The following LIN28B variants were observed in gnomAD, a reference collection of about 807,000 sequenced individuals.
LIN28B encodes the protein lin-28 RNA binding posttranscriptional regulator B.
LIN28B carries 5 observed loss-of-function variants against 21.9 expected under a neutral mutation model. The observed-to-expected ratio is 0.23, with a 90% CI of 0.12 to 0.48. The LOEUF is 0.48. Among genes scored for constraint, LIN28B ranks in the 20% least tolerant of loss-of-function variants. The pLI is 0.98. For missense variants in LIN28B, 245 were observed against 310.5 expected, an observed-to-expected ratio of 0.79 and a Z score of 1.58; for synonymous variants, 109 against 111.3, an observed-to-expected ratio of 0.98 and a Z score of 0.13.
At chr6:105,053,273 G>A (rs945297642) in intron 3 of LIN28B, among the ~76,000 whole-genome samples, 1 of 151,956 alleles carries the variant, frequency 6.6e-6, no homozygotes, top group African/African-American at 2.4e-5. Context: ...CTAGACAGTG[G>A]CTCATGTGCA....
chr6:104,980,163 C>T (rs1562079925), intron 2 of LIN28B, among the ~76,000 whole-genome samples: 2 of 152,016 alleles, frequency 1.3e-5, no homozygotes, highest in Non-Finnish European at 2.9e-5. Flanking sequence ...ATTTAAAATT[C>T]CGTAATGTAG....
chr6:105,082,480 TTTCTC>T lies in LIN28B; in HGVS notation c.*3699_*3703del, dbSNP rs1263853762. ...AGTTAATTTAAATTAATTTATCTGT[TTTCTC>T]TAAGAAATGTTTATCATAAAATATA... On this transcript the variant is annotated 3_prime_UTR_variant, in exon 4 of 4. Transcript: ENST00000345080. 2 of 152,656 alleles carry T rather than the reference TTTCTC, an allele frequency of 1.3e-5. No homozygotes were observed. The highest frequency in any genetic ancestry group is 1.3e-4 in the Admixed American group (2 of 15,274). The allele number at this position is 152,656 out of a possible 1,614,324, so 9.5% of individuals were successfully genotyped here.
exon 2 of LIN28B, chr6:104,937,040 C>G (rs571025501): frequency 1.3e-5 from 2 of 152,024 alleles, no homozygotes; most frequent in East Asian, 3.9e-4. Context: ...TGGTGTTGAA[C>G]TCCTGGGCTC....
intron 3 of LIN28B, among the ~76,000 whole-genome samples, chr6:105,043,581 G>A (rs899200802): frequency 6.8e-6 from 1 of 148,008 alleles, no homozygotes; most frequent in Non-Finnish European, 1.5e-5. Flanking sequence ...TGATTTTTTT[G>A]TTTATGGTTT....
At chr6:105,051,216 G>A (rs1044276096) in intron 3 of LIN28B, among the ~76,000 whole-genome samples, 3 of 151,554 alleles carry the variant, frequency 2.0e-5, no homozygotes, top group African/African-American at 7.3e-5. Flanking sequence ...CGAGTCGGGT[G>A]GATCATGAGG....
intron 2 of LIN28B, among the ~76,000 whole-genome samples, chr6:105,001,291 C>A (rs1770714962): frequency 1.3e-5 from 2 of 152,200 alleles, no homozygotes; most frequent in Admixed American, 6.5e-5. Context: ...ACATATAAAT[C>A]ATTTGGCCTT....
chr6:104,959,393 C>T (rs1769677359), intron 2 of LIN28B, among the ~76,000 whole-genome samples: 1 of 152,154 alleles, frequency 6.6e-6, no homozygotes, highest in Non-Finnish European at 1.5e-5. Context: ...ATATTTGATA[C>T]TGTGTTGCAT....
chr6:104,956,983 G>T (rs1582862728), upstream of LIN28B: 1 of 898,564 alleles, frequency 1.1e-6, no homozygotes, highest in Non-Finnish European at 1.6e-6. Context: ...AATGGCGATT[G>T]GTTATCTCTT....
At chr6:104,967,592 AAAAAAAAG>A in intron 2 of LIN28B, among the ~76,000 whole-genome samples, 1 of 150,048 alleles carries the variant, frequency 6.7e-6, no homozygotes, top group Admixed American at 6.6e-5. Context: ...AAAAAAAAAA[AAAAAAAAG>A]AAAGAAAGAA....
intron 3 of LIN28B, among the ~76,000 whole-genome samples, chr6:105,047,758 G>A (rs1318321410): frequency 1.3e-5 from 2 of 152,048 alleles, no homozygotes; most frequent in Non-Finnish European, 2.9e-5. Context: ...GGATTCCTAG[G>A]TATTTTATTC....
intron 2 of LIN28B, among the ~76,000 whole-genome samples, chr6:105,009,765 G>T (rs1770885418): frequency 6.6e-6 from 1 of 152,058 alleles, no homozygotes; most frequent in African/African-American, 2.4e-5. Context: ...TATATCAGTT[G>T]TTCCCTTTAG....
chr6:105,008,614 A>C (rs941820468), intron 2 of LIN28B, among the ~76,000 whole-genome samples: 2 of 151,646 alleles, frequency 1.3e-5, no homozygotes, highest in African/African-American at 4.8e-5. Context: ...ACTGCACTCC[A>C]GCCTGGGCGA....
At chr6:104,983,983 C>T (rs1770279328) in intron 2 of LIN28B, among the ~76,000 whole-genome samples, 1 of 152,148 alleles carries the variant, frequency 6.6e-6, no homozygotes. Context: ...AAGTAAGTCA[C>T]GAACAATTTA....
chr6:104,966,726 A>G (rs1221701649), intron 2 of LIN28B, among the ~76,000 whole-genome samples: 2 of 149,486 alleles, frequency 1.3e-5, no homozygotes. Flanking sequence ...GGTTCACGCC[A>G]TTCTCCTGCC....
At chr6:104,952,891 TG>T (rs1778235999), upstream of LIN28B, among the ~76,000 whole-genome samples, 1 of 152,220 alleles carries the variant, frequency 6.6e-6, no homozygotes, top group Admixed American at 6.5e-5. Flanking sequence ...CAGAGCATTT[TG>T]CCTCCAGACA....
intron 2 of LIN28B, among the ~76,000 whole-genome samples, chr6:104,983,536 A>G (rs999977002): frequency 2.6e-5 from 4 of 152,122 alleles, no homozygotes; most frequent in African/African-American, 9.7e-5. Context: ...CAAATCTTGG[A>G]CAAATCTTGG....
chr6:105,001,402 T>C (rs549841365), intron 2 of LIN28B, among the ~76,000 whole-genome samples: 9 of 152,362 alleles, frequency 5.9e-5, no homozygotes, highest in Admixed American at 5.2e-4. Flanking sequence ...GGACCATCTA[T>C]CTACATATTT....
rs1464756479 is a variant in LIN28B at position 105,082,445 on chromosome 6, TAA to T, written c.*3663_*3664del. The T allele has an allele frequency of 1.3e-5, 2 of 152,666 alleles. No homozygotes were observed. The highest frequency in any genetic ancestry group is 2.9e-5 in the Non-Finnish European group (2 of 68,036). The allele number at this position is 152,666 out of a possible 1,614,324, so 9.5% of individuals were successfully genotyped here. On this transcript the variant is annotated 3_prime_UTR_variant, in exon 4 of 4. Transcript: ENST00000345080. ...TTATACAGGACATGGGAAATCTCAT[TAA>T]GTCTTAAAGTTAATTTAAATTAATT...
At chr6:105,033,056 T>A (rs999156140) in intron 3 of LIN28B, among the ~76,000 whole-genome samples, 11 of 152,196 alleles carry the variant, frequency 7.2e-5, no homozygotes, top group African/African-American at 2.4e-4. Context: ...TGAAGATGAT[T>A]TATCAATCTT....
Sources: allele counts gnomAD v4.1 joint callset (sites outside exome capture counted in the v4.1 genomes callset), GRCh38; gene constraint gnomAD v4.1.1; transcripts MANE v1.5; gene names NCBI Gene and HGNC (gene_info 2026-07-23, HGNC 2026-07-21).